TAFA2: variants seen among roughly 807,000 people sequenced by gnomAD.
TAFA2 encodes TAFA chemokine like family member 2, also known as chemokine-like protein TAFA-2.
A neutral mutation model predicts 18.8 loss-of-function variants in TAFA2; 7 were observed. The observed-to-expected ratio is 0.37, with a 90% CI of 0.21 to 0.70. The LOEUF is 0.70. Ranked by LOEUF, TAFA2 falls within the 30% of genes least tolerant of loss-of-function variation. The probability of loss-of-function intolerance (pLI) is 0.53; values close to 1 mark genes in which losing one functional copy is unlikely to be tolerated. For missense variants in TAFA2, 122 were observed against 158.1 expected, an observed-to-expected ratio of 0.77 and a Z score of 1.23; for synonymous variants, 60 against 54.2, an observed-to-expected ratio of 1.11 and a Z score of -0.47.
intron 1 of TAFA2, among the ~76,000 whole-genome samples, chr12:62,244,237 CTTTT>C (rs35569192): frequency 7.4e-6 from 1 of 134,274 alleles, no homozygotes; most frequent in African/African-American, 2.8e-5. Context: ...TTTCTTTTGT[CTTTT>C]TTTTTTTTTT....
chr12:61,790,260 T>C (rs1870918398), intron 2 of TAFA2, among the ~76,000 whole-genome samples: 1 of 151,540 alleles, frequency 6.6e-6, no homozygotes, highest in African/African-American at 2.4e-5. Context: ...ACAGCTAACA[T>C]CATACTAAAT....
chr12:61,894,027 C>T (rs935063827), intron 1 of TAFA2, among the ~76,000 whole-genome samples: 4 of 151,852 alleles, frequency 2.6e-5, no homozygotes, highest in East Asian at 1.9e-4. Flanking sequence ...ATTAAACAAA[C>T]TATCATGTGG....
chr12:62,228,967 T>C (rs2062800363), intron 1 of TAFA2, among the ~76,000 whole-genome samples: 1 of 152,176 alleles, frequency 6.6e-6, no homozygotes, highest in African/African-American at 2.4e-5. Flanking sequence ...GTATTATATA[T>C]TTTTATAGCT....
intron 1 of TAFA2, among the ~76,000 whole-genome samples, chr12:62,237,872 AG>A (rs1381333673): frequency 1.3e-5 from 2 of 152,328 alleles, no homozygotes; most frequent in Admixed American, 1.3e-4. Flanking sequence ...AAGGTTGGCT[AG>A]GAGTTCATGC....
At chr12:61,711,669 A>G (rs1304996986) in intron 4 of TAFA2, among the ~76,000 whole-genome samples, 2 of 151,964 alleles carry the variant, frequency 1.3e-5, no homozygotes, top group Admixed American at 6.6e-5. Flanking sequence ...GGGAGATGGT[A>G]CAAAAGGCAA....
At chr12:61,971,557 A>G (rs1879250001) in intron 1 of TAFA2, among the ~76,000 whole-genome samples, 1 of 151,900 alleles carries the variant, frequency 6.6e-6, no homozygotes, top group South Asian at 2.1e-4. Context: ...AAAAAGGATG[A>G]GTTCATGTCC....
At chr12:62,246,179 G>A (rs1322249727) in intron 1 of TAFA2, among the ~76,000 whole-genome samples, 1 of 151,974 alleles carries the variant, frequency 6.6e-6, no homozygotes, top group Non-Finnish European at 1.5e-5. Flanking sequence ...GTAGAGACGG[G>A]GTTTCACCGT....
chr12:61,907,893 T>A (rs1245541227), intron 1 of TAFA2, among the ~76,000 whole-genome samples: 1 of 152,188 alleles, frequency 6.6e-6, no homozygotes, highest in Admixed American at 6.5e-5. Flanking sequence ...ACTGCCCTAT[T>A]GAATTTTGGG....
intron 2 of TAFA2, among the ~76,000 whole-genome samples, chr12:61,850,355 ATATTATCTTATC>A (rs2121158191): frequency 6.6e-6 from 1 of 151,924 alleles, no homozygotes; most frequent in South Asian, 2.1e-4. Context: ...TATGTTAAAT[ATATTATCTTATC>A]TAAATATATT....
At chr12:62,122,057 C>A (rs1222585285) in intron 1 of TAFA2, among the ~76,000 whole-genome samples, 1 of 152,142 alleles carries the variant, frequency 6.6e-6, no homozygotes, top group Non-Finnish European at 1.5e-5. Context: ...ACAACACACA[C>A]TGGGGCCTTT....
At chr12:62,124,165 A>G (rs373786281) in intron 1 of TAFA2, among the ~76,000 whole-genome samples, 4 of 152,298 alleles carry the variant, frequency 2.6e-5, no homozygotes, top group African/African-American at 9.6e-5. Context: ...GATTGCAAAG[A>G]TAATGATATA....
intron 1 of TAFA2, among the ~76,000 whole-genome samples, chr12:62,101,656 T>A (rs960537068): frequency 6.6e-6 from 1 of 152,228 alleles, no homozygotes; most frequent in African/African-American, 2.4e-5. Context: ...CAGTAAGTTC[T>A]ACTTCAGCAC....
At chr12:61,783,602 C>T (rs995556351) in intron 2 of TAFA2, among the ~76,000 whole-genome samples, 1 of 151,526 alleles carries the variant, frequency 6.6e-6, no homozygotes, top group African/African-American at 2.4e-5. Context: ...TTTCTTATCC[C>T]AGACACAATG....
chr12:62,001,820 C>A (rs1039907103), intron 1 of TAFA2, among the ~76,000 whole-genome samples: 1 of 152,094 alleles, frequency 6.6e-6, no homozygotes, highest in Non-Finnish European at 1.5e-5. Context: ...ATTATAACTA[C>A]AGCTAATTAA....
At chr12:62,100,049 G>C (rs961890401) in intron 1 of TAFA2, among the ~76,000 whole-genome samples, 3 of 151,252 alleles carry the variant, frequency 2.0e-5, no homozygotes, top group Non-Finnish European at 4.4e-5. Context: ...TATTTTTCTT[G>C]TTATCCCTCA....
chr12:62,080,848 T>A (rs34888521), intron 1 of TAFA2, among the ~76,000 whole-genome samples: 2,268 of 150,332 alleles, frequency 0.015, 22 homozygotes, highest in Non-Finnish European at 0.022. Flanking sequence ...AACAGGTTCA[T>A]TAAAAAGTAG....
intron 1 of TAFA2, among the ~76,000 whole-genome samples, chr12:62,183,206 T>A (rs1592387952): frequency 6.6e-6 from 1 of 152,084 alleles, no homozygotes; most frequent in South Asian, 2.1e-4. Flanking sequence ...TGATACCTGT[T>A]CCCCCACCCC....
At chr12:61,833,303 G>C (rs12827424) in intron 2 of TAFA2, among the ~76,000 whole-genome samples, 3 of 150,932 alleles carry the variant, frequency 2.0e-5, no homozygotes, top group African/African-American at 7.3e-5. Flanking sequence ...CCTGATTCTC[G>C]AGTCCAAACA....
chr12:61,777,132 G>A (rs1344473075), intron 2 of TAFA2, among the ~76,000 whole-genome samples: 1 of 151,860 alleles, frequency 6.6e-6, no homozygotes, highest in African/African-American at 2.4e-5. Context: ...CAGGTAAAAT[G>A]GCCAACATCC....
Sources: allele counts gnomAD v4.1 joint callset (sites outside exome capture counted in the v4.1 genomes callset), GRCh38; gene constraint gnomAD v4.1.1; transcripts MANE v1.5; gene names NCBI Gene and HGNC (gene_info 2026-07-23, HGNC 2026-07-21).